SLMAP: variants seen among roughly 807,000 people sequenced by gnomAD.
The protein encoded by SLMAP is sarcolemma associated protein.
Under a neutral mutation model 128.8 loss-of-function variants are expected in SLMAP, and 44 were observed. That is an observed-to-expected ratio of 0.34 (90% CI 0.27 to 0.44). The LOEUF (loss-of-function observed/expected upper bound fraction) is 0.44. Among genes scored for constraint, SLMAP ranks in the 20% least tolerant of loss-of-function variants. SLMAP has a pLI of 1.00. For missense variants in SLMAP, 787 were observed against 985.3 expected (o/e 0.80, Z 2.69); for synonymous variants, 327 against 348.8 (o/e 0.94, Z 0.70).
intron 14 of SLMAP, 32 bp from the exon 15 acceptor site, chr3:57,890,009 G>T (rs767452653): frequency 4.0e-6 from 6 of 1,510,588 alleles, no homozygotes; most frequent in African/African-American, 1.4e-5. Flanking sequence ...CTCAGTTTGG[G>T]CTTGGATGGT....
chr3:57,926,217 G>A (rs755071481), intron 24 of SLMAP: 63 of 369,896 alleles, frequency 1.7e-4, no homozygotes, highest in Non-Finnish European at 2.7e-4. Flanking sequence ...CTAGCAAACT[G>A]GAGTGCACTA....
chr3:57,846,005 C>T (rs1213298499), intron 4 of SLMAP, among the ~76,000 whole-genome samples: 1 of 152,144 alleles, frequency 6.6e-6, no homozygotes, highest in African/African-American at 2.4e-5. Flanking sequence ...CCGCACCTGG[C>T]TGATTTTTGT....
intron 15 of SLMAP, chr3:57,896,222 AAGC>A (rs2096242189): frequency 9.1e-7 from 1 of 1,103,046 alleles, no homozygotes; most frequent in Non-Finnish European, 1.1e-6. Context: ...TACTTTAGCA[AAGC>A]TTGCTTCGTT....
chr3:57,904,620 A>AT (rs1219348395), intron 17 of SLMAP, among the ~76,000 whole-genome samples: 1 of 152,216 alleles, frequency 6.6e-6, no homozygotes, highest in Non-Finnish European at 1.5e-5. Context: ...AATGTTCTTT[A>AT]TGACATGGCC....
At chr3:57,848,232 C>G (rs2094343901) in intron 5 of SLMAP, among the ~76,000 whole-genome samples, 3 of 150,032 alleles carry the variant, frequency 2.0e-5, no homozygotes, top group Admixed American at 2.0e-4. Flanking sequence ...TTTCCTCCTT[C>G]TTGGTTTTTT....
At chr3:57,844,917 T>C (rs1157039572) in intron 4 of SLMAP, among the ~76,000 whole-genome samples, 2 of 152,054 alleles carry the variant, frequency 1.3e-5, no homozygotes, top group African/African-American at 4.8e-5. Context: ...TTTCACCATG[T>C]TGGCCAGGCT....
intron 23 of SLMAP, among the ~76,000 whole-genome samples, chr3:57,923,878 A>C (rs2096957645): frequency 1.3e-5 from 2 of 152,364 alleles, no homozygotes; most frequent in African/African-American, 4.8e-5. Context: ...TCCTTTGCTA[A>C]AGAAAGTCTT....
chr3:57,844,997 T>G (rs1213983784), intron 4 of SLMAP, among the ~76,000 whole-genome samples: 1 of 152,218 alleles, frequency 6.6e-6, no homozygotes, highest in African/African-American at 2.4e-5. Flanking sequence ...TATATGTGCA[T>G]ATCTGCAGAG....
chr3:57,885,323 G>A (rs1257231685), intron 14 of SLMAP, among the ~76,000 whole-genome samples: 1 of 151,482 alleles, frequency 6.6e-6, no homozygotes, highest in Non-Finnish European at 1.5e-5. Flanking sequence ...GCCCGCCTTG[G>A]CCTCCCAAAG....
intron 2 of SLMAP, among the ~76,000 whole-genome samples, chr3:57,768,826 A>C (rs758801408): frequency 1.1e-4 from 16 of 152,042 alleles, no homozygotes; most frequent in Non-Finnish European, 1.9e-4. Context: ...AAAAAGACTG[A>C]GGTCCCCCTG....
chr3:57,775,509 CAA>C (rs1009755128), intron 2 of SLMAP, among the ~76,000 whole-genome samples: 41 of 21,182 alleles, frequency 1.9e-3, no homozygotes, highest in African/African-American at 4.2e-3. Context: ...CCTGTTGGTA[CAA>C]AAAAAAAAAA....
At chr3:57,887,603 T>C (rs1009673079) in intron 14 of SLMAP, among the ~76,000 whole-genome samples, 1 of 152,202 alleles carries the variant, frequency 6.6e-6, no homozygotes, top group Admixed American at 6.5e-5. Context: ...CTGCTCCATA[T>C]TGTCACTCAG....
intron 17 of SLMAP, among the ~76,000 whole-genome samples, chr3:57,906,310 C>CTTGTTTTTTTTTTTTTTTTTT (rs2096548251): frequency 2.1e-5 from 1 of 47,048 alleles, no homozygotes; most frequent in Non-Finnish European, 4.2e-5. Context: ...CTTTTTTTTT[C>CTTGTTTTTTTTTTTTTTTTTT]TTTTTTTTTT....
chr3:57,880,163 A>G (rs2095699451), intron 14 of SLMAP, among the ~76,000 whole-genome samples: 1 of 142,642 alleles, frequency 7.0e-6, no homozygotes, highest in African/African-American at 2.7e-5. Context: ...TCCTTTTTGT[A>G]TGTCATTTTT....
At chr3:57,809,405 G>T (rs1384555664) in intron 2 of SLMAP, among the ~76,000 whole-genome samples, 1 of 152,210 alleles carries the variant, frequency 6.6e-6, no homozygotes, top group Non-Finnish European at 1.5e-5. Flanking sequence ...GGGCAGTGCT[G>T]ACATACCAGC....
At chr3:57,814,453 T>G (rs189807351) in intron 2 of SLMAP, among the ~76,000 whole-genome samples, 2 of 152,264 alleles carry the variant, frequency 1.3e-5, no homozygotes, top group East Asian at 3.9e-4. Flanking sequence ...CTGAGCATTA[T>G]TCTGTGGCTT....
intron 2 of SLMAP, 97 bp from the exon 3 acceptor site, chr3:57,831,286 C>G (rs1043586409): frequency 2.5e-6 from 2 of 804,010 alleles, no homozygotes; most frequent in South Asian, 3.4e-5. Flanking sequence ...AATTCACTTG[C>G]AATAGTTGGC....
In SLMAP at chr3:57,819,050, C is replaced by A. The variant is rs750200; in HGVS notation, c.199-12333C>A. On this transcript the variant is annotated intron_variant, in intron 2 of 24. Transcript: ENST00000671191. ...GTTTATTTTCCTTCTTCCAAATAGT[C>A]ATTTCCCATTTCAGACAAAATGACT... Among the ~76,000 whole-genome samples, 337 of 152,306 alleles carry A rather than the reference C, an allele frequency of 2.2e-3. 6 individuals carry two copies. The highest frequency in any genetic ancestry group is 0.019 in the Admixed American group (292 of 15,296).
At chr3:57,849,652 G>C (rs1227507225) in intron 5 of SLMAP, 102 bp from the exon 6 acceptor site, 1 of 708,700 alleles carries the variant, frequency 1.4e-6, no homozygotes, top group Non-Finnish European at 2.5e-6. Context: ...TTTAATAACA[G>C]TTATTTTGCA....
Sources: allele counts gnomAD v4.1 joint callset (sites outside exome capture counted in the v4.1 genomes callset), GRCh38; gene constraint gnomAD v4.1.1; transcripts MANE v1.5; gene names NCBI Gene and HGNC (gene_info 2026-07-23, HGNC 2026-07-21).